KCNIP4: variants seen among roughly 807,000 people sequenced by gnomAD.
The protein encoded by KCNIP4 is Kv channel-interacting protein 4.
KCNIP4 carries 12 observed loss-of-function variants against 34.0 expected under a neutral mutation model. That is an observed-to-expected ratio of 0.35 (90% CI 0.23 to 0.57). KCNIP4 has a LOEUF of 0.57. Among genes scored for constraint, KCNIP4 ranks in the 20% least tolerant of loss-of-function variants. The probability of loss-of-function intolerance (pLI) is 0.83; values close to 1 mark genes in which losing one functional copy is unlikely to be tolerated. For missense variants in KCNIP4, 238 were observed against 311.7 expected (o/e 0.76, Z 1.78); for synonymous variants, 124 against 102.2 (o/e 1.21, Z -1.29).
intron 1 of KCNIP4, among the ~76,000 whole-genome samples, chr4:21,764,421 G>C (rs1284157463): frequency 6.6e-6 from 1 of 152,138 alleles, no homozygotes; most frequent in East Asian, 1.9e-4. Context: ...TGGAGAGAAA[G>C]TGGAAGAAGA....
At chr4:21,787,737 T>C (rs547488260) in intron 1 of KCNIP4, among the ~76,000 whole-genome samples, 1 of 152,324 alleles carries the variant, frequency 6.6e-6, no homozygotes, top group East Asian at 1.9e-4. Flanking sequence ...ATCTTGTATT[T>C]TAAAAACTAA....
chr4:21,329,187 C>T (rs973851186), intron 1 of KCNIP4, among the ~76,000 whole-genome samples: 1 of 152,140 alleles, frequency 6.6e-6, no homozygotes, highest in Non-Finnish European at 1.5e-5. Flanking sequence ...ATGCCTTCTA[C>T]GATTGTATGC....
chr4:20,899,191 T>G (rs1029741093), intron 1 of KCNIP4, among the ~76,000 whole-genome samples: 2 of 152,150 alleles, frequency 1.3e-5, no homozygotes, highest in Non-Finnish European at 2.9e-5. Flanking sequence ...TTTAAAAAAG[T>G]GTGGGTAGAA....
At chr4:21,451,789 A>G (rs1560418909) in intron 1 of KCNIP4, among the ~76,000 whole-genome samples, 1 of 152,152 alleles carries the variant, frequency 6.6e-6, no homozygotes, top group Non-Finnish European at 1.5e-5. Context: ...GTGAGAAAAT[A>G]TTTTGAAAAC....
intron 1 of KCNIP4, among the ~76,000 whole-genome samples, chr4:20,976,225 T>A (rs79174152): frequency 0.017 from 2,536 of 152,184 alleles, 73 homozygotes; most frequent in African/African-American, 0.058. Flanking sequence ...GAAATGTGAA[T>A]TATGACCCCA....
chr4:21,861,587 G>T (rs1324481925), intron 1 of KCNIP4, among the ~76,000 whole-genome samples: 1 of 150,558 alleles, frequency 6.6e-6, no homozygotes, highest in Non-Finnish European at 1.5e-5. Flanking sequence ...GACACAGGAG[G>T]CGGAGGTTAC....
chr4:20,791,018 T>C (rs1435947589), intron 3 of KCNIP4, among the ~76,000 whole-genome samples: 1 of 152,282 alleles, frequency 6.6e-6, no homozygotes, highest in African/African-American at 2.4e-5. Flanking sequence ...ATCCCCAATC[T>C]TCTGTTTCTA....
At chr4:21,835,785 T>C (rs889516387) in intron 1 of KCNIP4, among the ~76,000 whole-genome samples, 5 of 152,070 alleles carry the variant, frequency 3.3e-5, no homozygotes, top group Admixed American at 3.3e-4. Context: ...AGCAAACAAA[T>C]ACCAATCAAA....
chr4:21,151,291 T>C (rs1368638), intron 1 of KCNIP4, among the ~76,000 whole-genome samples: 152,059 of 152,216 alleles, frequency 1, 75,952 homozygotes, highest in Middle Eastern at 1. Flanking sequence ...AAAATTACAA[T>C]GGTAACTAAT....
At chr4:21,563,088 A>G (rs1171973332) in intron 1 of KCNIP4, among the ~76,000 whole-genome samples, 3 of 152,032 alleles carry the variant, frequency 2.0e-5, no homozygotes, top group Non-Finnish European at 4.4e-5. Flanking sequence ...TTTGATTCAA[A>G]TAATACAGAT....
intron 1 of KCNIP4, among the ~76,000 whole-genome samples, chr4:21,606,045 A>G (rs1353350372): frequency 6.6e-6 from 1 of 152,190 alleles, no homozygotes; most frequent in Non-Finnish European, 1.5e-5. Flanking sequence ...TGCCCTAAGC[A>G]TTAAATTCAG....
At chr4:21,285,017 C>G (rs1350147829) in intron 1 of KCNIP4, among the ~76,000 whole-genome samples, 1 of 152,056 alleles carries the variant, frequency 6.6e-6, no homozygotes, top group East Asian at 1.9e-4. Flanking sequence ...AATGCCCCAC[C>G]TTTTTCAGGC....
chr4:21,657,483 A>T (rs1349135607), intron 1 of KCNIP4, among the ~76,000 whole-genome samples: 1 of 152,212 alleles, frequency 6.6e-6, no homozygotes, highest in African/African-American at 2.4e-5. Flanking sequence ...TTGATGTGAG[A>T]ATTAGAGATA....
chr4:21,789,407 T>C (rs1034238121), intron 1 of KCNIP4, among the ~76,000 whole-genome samples: 2 of 152,200 alleles, frequency 1.3e-5, no homozygotes, highest in Admixed American at 6.5e-5. Context: ...TCTTTTGCTT[T>C]AGTCTGCAAA....
intron 3 of KCNIP4, among the ~76,000 whole-genome samples, chr4:20,801,432 T>G (rs1168811630): frequency 6.6e-6 from 1 of 152,182 alleles, no homozygotes; most frequent in African/African-American, 2.4e-5. Context: ...ATTATACATC[T>G]GCTTAGTATG....
intron 1 of KCNIP4, among the ~76,000 whole-genome samples, chr4:21,099,019 G>C (rs1747701900): frequency 6.6e-6 from 1 of 152,150 alleles, no homozygotes; most frequent in African/African-American, 2.4e-5. Context: ...CACTATTGGT[G>C]GGAGTGTAAA....
chr4:21,425,788 G>A (rs772355372), intron 1 of KCNIP4, among the ~76,000 whole-genome samples: 13 of 152,042 alleles, frequency 8.6e-5, no homozygotes, highest in Non-Finnish European at 1.5e-4. Flanking sequence ...GGTGACTCCC[G>A]TCTGTAATCC....
At chr4:20,914,957 T>C (rs1728662925) in intron 1 of KCNIP4, among the ~76,000 whole-genome samples, 1 of 152,188 alleles carries the variant, frequency 6.6e-6, no homozygotes, top group African/African-American at 2.4e-5. Context: ...ACAGTAGTTC[T>C]GTGAAAAGGC....
intron 1 of KCNIP4, among the ~76,000 whole-genome samples, chr4:21,912,669 G>T (rs1024870905): frequency 6.6e-6 from 1 of 152,126 alleles, no homozygotes; most frequent in African/African-American, 2.4e-5. Context: ...AAGGTCCTGA[G>T]ACTGAAAGAA....
Sources: gnomAD v4.1 joint callset for allele counts (sites outside exome capture counted in the v4.1 genomes callset) on GRCh38, gnomAD v4.1.1 for gene constraint, MANE v1.5 for transcripts, NCBI Gene and HGNC (gene_info 2026-07-23, HGNC 2026-07-21) for gene names.